Variants in PTPRK observed in about 807,000 individuals in gnomAD.
PTPRK encodes the protein receptor-type tyrosine-protein phosphatase kappa.
In PTPRK, 75 loss-of-function variants were observed where a neutral mutation model predicts 178.0. The ratio of observed to expected loss-of-function variants is 0.42; its 90% confidence interval spans 0.35 to 0.51. The LOEUF is 0.51. Among genes scored for constraint, PTPRK ranks in the 20% least tolerant of loss-of-function variants. The pLI, the probability that PTPRK is intolerant of heterozygous loss-of-function variation, is 0.02. For missense variants in PTPRK, 1,441 were observed against 1,797.8 expected (o/e 0.80, Z 3.59); for synonymous variants, 637 against 620.6 (o/e 1.03, Z -0.39).
intron 1 of PTPRK, among the ~76,000 whole-genome samples, chr6:128,430,696 G>A (rs897063280): frequency 1.3e-5 from 2 of 152,136 alleles, no homozygotes; most frequent in Non-Finnish European, 2.9e-5. Flanking sequence ...GTTTGACGTT[G>A]AAATATAAGC....
At chr6:128,064,628 C>T (rs1340539829) in intron 13 of PTPRK, 130 bp downstream of exon 13, 10 of 1,170,828 alleles carry the variant, frequency 8.5e-6, no homozygotes, top group East Asian at 2.7e-5. Context: ...TTGTTAAAGA[C>T]ACCCACATGA....
At chr6:128,396,774 C>A (rs189847519) in intron 2 of PTPRK, among the ~76,000 whole-genome samples, 2 of 151,910 alleles carry the variant, frequency 1.3e-5, no homozygotes, top group Non-Finnish European at 2.9e-5. Flanking sequence ...CCGAGGCGGG[C>A]GGATCACGAG....
chr6:128,397,350 AATACTT>A, intron 2 of PTPRK, among the ~76,000 whole-genome samples: 1 of 152,182 alleles, frequency 6.6e-6, no homozygotes, highest in East Asian at 1.9e-4. Context: ...AAAAAACACT[AATACTT>A]ATCTTTTTTT....
chr6:128,082,045 T>C (rs986803031), intron 10 of PTPRK, among the ~76,000 whole-genome samples: 4 of 152,106 alleles, frequency 2.6e-5, no homozygotes, highest in African/African-American at 9.6e-5. Flanking sequence ...ACAAGGTATG[T>C]AGTACTATAA....
intron 13 of PTPRK, among the ~76,000 whole-genome samples, chr6:128,047,811 T>C (rs996420397): frequency 2.6e-5 from 4 of 152,122 alleles, no homozygotes; most frequent in Non-Finnish European, 5.9e-5. Flanking sequence ...AATAACAGAT[T>C]ACCTACTAGT....
intron 7 of PTPRK, among the ~76,000 whole-genome samples, chr6:128,178,974 A>G (rs1015449154): frequency 6.6e-6 from 1 of 151,960 alleles, no homozygotes; most frequent in African/African-American, 2.4e-5. Context: ...TTGACTACCT[A>G]TACATTATCC....
intron 5 of PTPRK, chr6:128,238,207 A>G (rs200715908): frequency 5.5e-6 from 2 of 365,498 alleles, no homozygotes; most frequent in East Asian, 1.5e-4. Flanking sequence ...AAAAAAGAAA[A>G]GAAAAAAAAA....
At chr6:128,386,681 TC>T (rs918802536) in intron 2 of PTPRK, among the ~76,000 whole-genome samples, 3 of 152,346 alleles carry the variant, frequency 2.0e-5, no homozygotes, top group African/African-American at 7.2e-5. Flanking sequence ...ATGTTAATTT[TC>T]CACTCTTACT....
At chr6:128,508,094 G>A (rs1856626479) in intron 1 of PTPRK, among the ~76,000 whole-genome samples, 2 of 152,120 alleles carry the variant, frequency 1.3e-5, no homozygotes, top group Non-Finnish European at 1.5e-5. Context: ...TTTGACACTT[G>A]CCACATCTCA....
At chr6:128,191,566 T>G (rs573762942) in intron 6 of PTPRK, among the ~76,000 whole-genome samples, 1 of 152,154 alleles carries the variant, frequency 6.6e-6, no homozygotes, top group East Asian at 1.9e-4. Flanking sequence ...TGAGAGTAGA[T>G]ATTAAATATT....
Position 128,013,906 on chromosome 6 carries a change from A to G in PTPRK, c.2195-4638T>C, listed in dbSNP as rs145633556. 8.6e-3 allele frequency among the ~76,000 whole-genome samples: 1,303 copies of G among 151,558 alleles called. 21 individuals are homozygous for G. Among genetic ancestry groups the G allele is most frequent in the African/African-American group, 0.029 (1,221 of 41,450 alleles). The stretch of plus-strand genomic sequence containing the variant: ...ATTGTAGCACACGGTATTTTCTAGG[A>G]TTTCAACTGTATCATATCACTTCAC... On this transcript the variant is annotated intron_variant, in intron 13 of 29. Transcript: ENST00000368226.
intron 8 of PTPRK, among the ~76,000 whole-genome samples, chr6:128,086,389 A>G (rs1785831160): frequency 6.6e-6 from 1 of 152,164 alleles, no homozygotes; most frequent in Admixed American, 6.5e-5. Context: ...TAAAAAATGA[A>G]AACAAAACCT....
intron 13 of PTPRK, among the ~76,000 whole-genome samples, chr6:128,024,736 G>A (rs537966881): frequency 8.5e-5 from 13 of 152,208 alleles, no homozygotes; most frequent in Non-Finnish European, 1.5e-4. Context: ...CAACCTCCTG[G>A]GAGGCAGAGG....
chr6:128,004,987 C>A, intron 15 of PTPRK, 97 bp downstream of exon 15: 3 of 1,064,882 alleles, frequency 2.8e-6, no homozygotes, highest in Non-Finnish European at 3.9e-6. Flanking sequence ...TCTCCCCTCA[C>A]TTTCCTACTC....
chr6:128,306,401 C>A (rs960938050), intron 3 of PTPRK, among the ~76,000 whole-genome samples: 13 of 152,072 alleles, frequency 8.5e-5, no homozygotes, highest in African/African-American at 2.9e-4. Flanking sequence ...AGTTAGAAGA[C>A]AGATGTTATA....
At chr6:128,350,435 G>A (rs1832970431) in intron 2 of PTPRK, among the ~76,000 whole-genome samples, 1 of 152,058 alleles carries the variant, frequency 6.6e-6, no homozygotes, top group Non-Finnish European at 1.5e-5. Flanking sequence ...GCCCTTAAAG[G>A]AAAAAGGAAA....
intron 3 of PTPRK, among the ~76,000 whole-genome samples, chr6:128,286,736 T>C (rs899285777): frequency 1.3e-5 from 2 of 152,212 alleles, no homozygotes; most frequent in African/African-American, 4.8e-5. Context: ...TTAAAGAATA[T>C]CAAGCTTTTG....
intron 1 of PTPRK, among the ~76,000 whole-genome samples, chr6:128,398,301 T>C (rs1172323114): frequency 6.6e-6 from 1 of 152,166 alleles, no homozygotes; most frequent in Non-Finnish European, 1.5e-5. Flanking sequence ...GTACTTTCAA[T>C]TTTCCATCAC....
chr6:128,274,716 G>A (rs942251790), intron 3 of PTPRK, among the ~76,000 whole-genome samples: 5 of 151,988 alleles, frequency 3.3e-5, no homozygotes, highest in African/African-American at 1.2e-4. Flanking sequence ...TGACAAGTAT[G>A]TTGTCTCAAT....
Sources: allele counts gnomAD v4.1 joint callset (sites outside exome capture counted in the v4.1 genomes callset), GRCh38; gene constraint gnomAD v4.1.1; transcripts MANE v1.5; gene names NCBI Gene and HGNC (gene_info 2026-07-23, HGNC 2026-07-21).